The following MAOB variants were observed in gnomAD, a reference collection of about 807,000 sequenced individuals.
MAOB encodes the protein monoamine oxidase B, also known as amine oxidase [flavin-containing] B.
A neutral mutation model predicts 41.9 loss-of-function variants in MAOB; 15 were observed. The observed-to-expected ratio is 0.36, with a 90% confidence interval of 0.24 to 0.55. The LOEUF (loss-of-function observed/expected upper bound fraction) is 0.55. Among genes scored for constraint, MAOB ranks in the 20% least tolerant of loss-of-function variants. MAOB has a pLI of 0.86. For synonymous variants in MAOB, 167 were observed against 144.2 expected, an observed-to-expected ratio of 1.16 and a Z score of -1.13; for missense variants, 345 against 398.7, an observed-to-expected ratio of 0.87 and a Z score of 1.15.
intron 1 of MAOB, among the ~76,000 whole-genome samples, chrX:43,852,848 C>T (rs747867066): frequency 6.3e-5 from 7 of 111,227 alleles, no homozygotes; most frequent in African/African-American, 2.3e-4. Flanking sequence ...TGGTGGGTTC[C>T]TTAGAGTGAT....
At chrX:43,769,475 T>C (rs903527908) in intron 12 of MAOB, 57 bp from the exon 13 acceptor site, 74 of 1,144,366 alleles carry the variant, frequency 6.5e-5, no homozygotes, top group Non-Finnish European at 7.9e-5. Flanking sequence ...AGAGAAAAGT[T>C]TTCCCATAAA....
chrX:43,873,041 T>C (rs775316044), intron 1 of MAOB, among the ~76,000 whole-genome samples: 1 of 112,549 alleles, frequency 8.9e-6, no homozygotes, highest in Admixed American at 9.4e-5. Context: ...GCCTTTCTTC[T>C]TACCAAATGT....
intron 1 of MAOB, among the ~76,000 whole-genome samples, chrX:43,872,717 A>G (rs1037423561): frequency 1.8e-5 from 2 of 112,371 alleles, no homozygotes; most frequent in Non-Finnish European, 3.8e-5. Context: ...CATTTAAGAC[A>G]TAGGTAAACA....
chrX:43,775,291 A>C lies in MAOB; in HGVS notation c.1138-19T>G. ...GCACTGGCTGCAAGATAGAGCAACA[A>C]AAACTTGAAGGAGACTCAGAGAAAG... On this transcript the variant is annotated intron_variant, in intron 11 of 14. Coordinates refer to ENST00000378069, the MANE Select transcript of MAOB (RefSeq NM_000898.5). The C allele has an allele frequency of 8.3e-7, 1 of 1,198,259 alleles. No individual in the cohort carries two copies. The highest frequency in any genetic ancestry group is 1.1e-6 in the Non-Finnish European group (1 of 889,002).
chrX:43,878,379 C>A (rs2035453384), intron 1 of MAOB, among the ~76,000 whole-genome samples: 2 of 104,036 alleles, frequency 1.9e-5, no homozygotes, highest in Non-Finnish European at 3.9e-5. Context: ...GTAGCTGGGA[C>A]TACAGGTGCA....
At chrX:43,865,320 T>A (rs753753720) in intron 1 of MAOB, among the ~76,000 whole-genome samples, 2 of 112,387 alleles carry the variant, frequency 1.8e-5, no homozygotes, top group South Asian at 3.7e-4. Context: ...CAGTGTTTGA[T>A]TCTATTTGTA....
chrX:43,801,518 C>G (rs1033849171), intron 5 of MAOB, among the ~76,000 whole-genome samples: 1 of 111,714 alleles, frequency 9.0e-6, no homozygotes, highest in African/African-American at 3.3e-5. Flanking sequence ...GAATGGGAAC[C>G]CTCATAATCC....
At chrX:43,786,390 CA>C (rs1304856829) in intron 8 of MAOB, among the ~76,000 whole-genome samples, 3 of 111,283 alleles carry the variant, frequency 2.7e-5, no homozygotes, top group African/African-American at 9.8e-5. Context: ...GCAGACAAAC[CA>C]GGAAGCCTTT....
chrX:43,882,352 C>A lies in MAOB; in HGVS notation c.-53G>T. The A allele has an allele frequency of 8.5e-7, 1 of 1,177,600 alleles. No individual in the cohort carries two copies. Among genetic ancestry groups the A allele is most frequent in the Non-Finnish European group, 1.1e-6 (1 of 879,730 alleles). On this transcript the variant is annotated 5_prime_UTR_variant, in exon 1 of 15. Coordinates refer to ENST00000378069, the MANE Select transcript of MAOB (RefSeq NM_000898.5). ...GGTGCCCGCTGCTCCGTTTTCTGGG[C>A]CTCGATCCCAGTCCTGCCTGCCAGC...
intron 8 of MAOB, among the ~76,000 whole-genome samples, chrX:43,791,517 G>A (rs1251568450): frequency 8.9e-6 from 1 of 111,766 alleles, no homozygotes; most frequent in Non-Finnish European, 1.9e-5. Context: ...CAGCACTTTG[G>A]GAGGCCGAGG....
At chrX:43,783,038 C>T (rs1416090518) in intron 8 of MAOB, among the ~76,000 whole-genome samples, 1 of 111,981 alleles carries the variant, frequency 8.9e-6, no homozygotes, top group South Asian at 3.7e-4. Flanking sequence ...CAATATCATA[C>T]TGAATGGGCA....
chrX:43,790,625 G>A (rs7883563), intron 8 of MAOB, among the ~76,000 whole-genome samples: 2,163 of 108,916 alleles, frequency 0.02, 61 homozygotes, highest in South Asian at 0.19. Flanking sequence ...TCACTCTGTT[G>A]CCCAGGCTGA....
intron 3 of MAOB, among the ~76,000 whole-genome samples, chrX:43,804,161 G>T (rs998557423): frequency 9.0e-6 from 1 of 111,469 alleles, no homozygotes; most frequent in Non-Finnish European, 1.9e-5. Context: ...AAGCCAGGTC[G>T]TGCATTCTGA....
rs778267238 is a variant in MAOB at position 43,795,741 on chromosome X, C to T, written c.766G>A (p.Glu256Lys). The change falls in exon 7 of 15, where the codon GAG (glutamate) becomes AAG (lysine). Residue 256 changes from glutamate (E) to lysine (K), a missense_variant and splice_region_variant. Glu to Lys is a moderately conservative substitution (Grantham distance 56). Coordinates refer to ENST00000378069, the MANE Select transcript of MAOB (RefSeq NM_000898.5). ...LVETLNHEMY[E>K]AKYVISAIPP... ...ATATTTCACAATATCACAGTTACCT[C>T]ATACATCTCATGGTTTAGGGTCTCC... 1.9e-5 allele frequency: 23 copies of T among 1,192,087 alleles called. No individual in the cohort carries two copies. In the South Asian group the frequency reaches 3.4e-4, roughly 18 times the overall value.
intron 3 of MAOB, among the ~76,000 whole-genome samples, chrX:43,815,526 CT>C (rs949899780): frequency 5.4e-5 from 6 of 112,013 alleles, no homozygotes; most frequent in African/African-American, 1.9e-4. Context: ...AAGCTGAAAA[CT>C]GGAAGCCGTA....
intron 1 of MAOB, chrX:43,850,475 A>C: frequency 1.3e-6 from 1 of 753,562 alleles, no homozygotes; most frequent in Non-Finnish European, 1.6e-6. Context: ...CCTCCTCCTT[A>C]AGTTCAAACT....
chrX:43,811,947 A>AT (rs1034142178), intron 3 of MAOB, among the ~76,000 whole-genome samples: 4 of 109,900 alleles, frequency 3.6e-5, no homozygotes, highest in South Asian at 3.9e-4. Flanking sequence ...TTCTTTAACT[A>AT]TTTTTTTTTA....
intron 1 of MAOB, among the ~76,000 whole-genome samples, chrX:43,877,407 G>A (rs1219162395): frequency 1.8e-5 from 2 of 110,341 alleles, no homozygotes; most frequent in African/African-American, 6.6e-5. Context: ...CCCACCAACC[G>A]GCCCCAACAC....
chrX:43,823,318 G>C (rs1236176506), intron 3 of MAOB, among the ~76,000 whole-genome samples: 1 of 108,461 alleles, frequency 9.2e-6, no homozygotes, highest in Non-Finnish European at 1.9e-5. Context: ...GATTACAGGT[G>C]TGTGCCACCA....
Sources: allele counts gnomAD v4.1 joint callset (sites outside exome capture counted in the v4.1 genomes callset), GRCh38; gene constraint gnomAD v4.1.1; transcripts MANE v1.5; gene names NCBI Gene and HGNC (gene_info 2026-07-23, HGNC 2026-07-21).